Variants in CAMKMT observed in about 807,000 individuals in gnomAD.
CAMKMT encodes calmodulin-lysine N-methyltransferase.
In CAMKMT, 53 loss-of-function variants were observed where a neutral mutation model predicts 48.0. The observed-to-expected ratio is 1.10, with a 90% CI of 0.89 to 1.39. The LOEUF (loss-of-function observed/expected upper bound fraction) is 1.39, where lower values mean the gene tolerates loss of function less well. Ranked by LOEUF, CAMKMT falls within the 40% of genes most tolerant of loss-of-function variation. The pLI is 0.00. For synonymous variants in CAMKMT, 165 were observed against 152.3 expected, an observed-to-expected ratio of 1.08 and a Z score of -0.61; for missense variants, 428 against 402.7, an observed-to-expected ratio of 1.06 and a Z score of -0.54.
chr2:44,546,064 G>C (rs867690179), intron 3 of CAMKMT, among the ~76,000 whole-genome samples: 1 of 151,404 alleles, frequency 6.6e-6, no homozygotes, highest in African/African-American at 2.4e-5. Context: ...TTAGCAAATT[G>C]CATCTTTTAT....
chr2:44,494,446 A>T (rs1558655968), intron 3 of CAMKMT, among the ~76,000 whole-genome samples: 1 of 152,190 alleles, frequency 6.6e-6, no homozygotes, highest in Admixed American at 6.5e-5. Flanking sequence ...CAAAAATGAG[A>T]TACTCTCATT....
chr2:44,381,174 G>A (rs557409006), intron 2 of CAMKMT, among the ~76,000 whole-genome samples: 1 of 151,860 alleles, frequency 6.6e-6, no homozygotes, highest in Admixed American at 6.6e-5. Flanking sequence ...AAGAAATAAT[G>A]CTTTCCAGAA....
intron 3 of CAMKMT, among the ~76,000 whole-genome samples, chr2:44,524,796 T>G (rs1337567878): frequency 6.6e-6 from 1 of 152,228 alleles, no homozygotes; most frequent in Non-Finnish European, 1.5e-5. Flanking sequence ...TCATCATTAA[T>G]CCACCAGGCC....
intron 7 of CAMKMT, among the ~76,000 whole-genome samples, chr2:44,730,243 C>G (rs1679009453): frequency 6.6e-6 from 1 of 152,240 alleles, no homozygotes; most frequent in East Asian, 1.9e-4. Context: ...CTGATATGTC[C>G]TCTTGCTTCT....
chr2:44,407,956 G>A (rs780350721), intron 3 of CAMKMT, among the ~76,000 whole-genome samples: 1 of 151,842 alleles, frequency 6.6e-6, no homozygotes, highest in Non-Finnish European at 1.5e-5. Context: ...CCAGTATACT[G>A]GGAATGATCA....
At chr2:44,740,124 A>ATTTT (rs753300790) in intron 7 of CAMKMT, among the ~76,000 whole-genome samples, 3 of 120,212 alleles carry the variant, frequency 2.5e-5, no homozygotes, top group Admixed American at 8.6e-5. Context: ...TGATTGCTGC[A>ATTTT]TTTTTTTTTT....
At chr2:44,763,668 C>T (rs532904349) in intron 9 of CAMKMT, among the ~76,000 whole-genome samples, 7 of 152,202 alleles carry the variant, frequency 4.6e-5, no homozygotes, top group East Asian at 1.9e-4. Flanking sequence ...GCAGGGGCTG[C>T]GTTCTGAACA....
chr2:44,481,803 C>G (rs1001660140), intron 3 of CAMKMT, among the ~76,000 whole-genome samples: 6 of 151,828 alleles, frequency 4.0e-5, no homozygotes, highest in African/African-American at 1.5e-4. Context: ...TGAATGTATG[C>G]TGGTTTAAAA....
chr2:44,769,677 C>A (rs993879028), intron 10 of CAMKMT, among the ~76,000 whole-genome samples: 1 of 151,942 alleles, frequency 6.6e-6, no homozygotes. Flanking sequence ...TTCGCAAAAC[C>A]ACCCTGAAGT....
At chr2:44,392,604 C>G (rs1373249214) in intron 3 of CAMKMT, among the ~76,000 whole-genome samples, 1 of 151,834 alleles carries the variant, frequency 6.6e-6, no homozygotes, top group Non-Finnish European at 1.5e-5. Context: ...ATAAATAGCT[C>G]AAATAATAAC....
intron 3 of CAMKMT, among the ~76,000 whole-genome samples, chr2:44,693,409 C>T (rs1040163367): frequency 6.6e-6 from 1 of 152,194 alleles, no homozygotes; most frequent in African/African-American, 2.4e-5. Context: ...TAGAGTTCCA[C>T]TGACCTTATT....
chr2:44,704,762 A>G (rs1047745183), intron 4 of CAMKMT, among the ~76,000 whole-genome samples: 1 of 151,954 alleles, frequency 6.6e-6, no homozygotes, highest in Non-Finnish European at 1.5e-5. Context: ...TGATAGATAA[A>G]TACCTCACAG....
intron 3 of CAMKMT, among the ~76,000 whole-genome samples, chr2:44,472,157 G>A (rs776836101): frequency 1.2e-4 from 18 of 152,096 alleles, no homozygotes; most frequent in East Asian, 7.7e-4. Context: ...TGCAAGCTCC[G>A]CTCCCTGGGT....
chr2:44,631,905 A>G (rs1672854880), intron 3 of CAMKMT, among the ~76,000 whole-genome samples: 1 of 152,066 alleles, frequency 6.6e-6, no homozygotes, highest in Non-Finnish European at 1.5e-5. Context: ...ATATAACTTT[A>G]ATTTATATTC....
At chr2:44,520,914 G>C (rs1160585219) in intron 3 of CAMKMT, among the ~76,000 whole-genome samples, 1 of 152,138 alleles carries the variant, frequency 6.6e-6, no homozygotes, top group Non-Finnish European at 1.5e-5. Context: ...TGAAGAGGTG[G>C]CTTCTGTCAT....
chr2:44,608,674 A>G (rs938067832), intron 3 of CAMKMT, among the ~76,000 whole-genome samples: 3 of 151,970 alleles, frequency 2.0e-5, no homozygotes, highest in African/African-American at 7.3e-5. Flanking sequence ...TCTTTTTGAC[A>G]ATTTGTTTGA....
At chr2:44,405,259 G>A (rs1682702259) in intron 3 of CAMKMT, among the ~76,000 whole-genome samples, 1 of 152,004 alleles carries the variant, frequency 6.6e-6, no homozygotes, top group South Asian at 2.1e-4. Context: ...GCACTATTTG[G>A]ACTGGAAAGG....
At chr2:44,456,560 T>C in intron 3 of CAMKMT, 1 of 1,549,720 alleles carries the variant, frequency 6.5e-7, no homozygotes, top group East Asian at 2.4e-5. Flanking sequence ...TCATCCTTTC[T>C]CTTTTAGGGG....
At chr2:44,476,643 A>G (rs993436460) in intron 3 of CAMKMT, among the ~76,000 whole-genome samples, 2 of 110,390 alleles carry the variant, frequency 1.8e-5, no homozygotes, top group Non-Finnish European at 3.9e-5. Context: ...TTTATAAACT[A>G]AATTACTTTG....
Sources: gnomAD v4.1 joint callset for allele counts (sites outside exome capture counted in the v4.1 genomes callset) on GRCh38, gnomAD v4.1.1 for gene constraint, MANE v1.5 for transcripts, NCBI Gene and HGNC (gene_info 2026-07-23, HGNC 2026-07-21) for gene names.